Variants in ZNRF2 observed in about 807,000 individuals in gnomAD.
ZNRF2 encodes the protein zinc and ring finger 2.
A neutral mutation model predicts 20.4 loss-of-function variants in ZNRF2; 16 were observed. The observed-to-expected ratio is 0.79, with a 90% confidence interval of 0.53 to 1.19. ZNRF2 has a LOEUF of 1.19. Ranked by LOEUF, ZNRF2 falls within the 50% of genes most tolerant of loss-of-function variation. ZNRF2 has a pLI of 0.00. For synonymous variants in ZNRF2, 178 were observed against 144.9 expected (o/e 1.23, Z -1.64); for missense variants, 363 against 332.4 (o/e 1.09, Z -0.72).
intron 1 of ZNRF2, among the ~76,000 whole-genome samples, chr7:30,316,375 A>AAT (rs1424573919): frequency 2.0e-5 from 3 of 150,914 alleles, no homozygotes; most frequent in African/African-American, 7.3e-5. Flanking sequence ...TAGTGGACTG[A>AAT]ATATATGGTC....
intron 1 of ZNRF2, among the ~76,000 whole-genome samples, chr7:30,295,048 A>AGTGTGTGTGTGT (rs1562603702): frequency 8.9e-5 from 7 of 79,054 alleles, no homozygotes; most frequent in Non-Finnish European, 1.7e-4. Context: ...AGAGAGAGAG[A>AGTGTGTGTGTGT]GAGTGTGTGT....
At position 30,307,326 on chromosome 7, in the gene ZNRF2, GTTTTTTTTTT is replaced by G. The variant is rs78007797; in HGVS notation, c.470-16301_470-16292del. 1.0e-3 allele frequency among the ~76,000 whole-genome samples: 45 copies of G among 43,238 alleles called. 1 individual carries two copies. The Admixed American group carries it at 0.012, about 11-fold the overall frequency. The allele number at this position is 43,238 out of a possible 152,430, so 28.4% of individuals were successfully genotyped here. On this transcript the variant is annotated intron_variant, in intron 1 of 4. Transcript: ENST00000323037. ...TGTCTTCTTTCTGCTGTTTTTTTTT[GTTTTTTTTTT>G]TTTTTTTTTTTTTTGGCTGGGGGTG...
intron 2 of ZNRF2, among the ~76,000 whole-genome samples, chr7:30,327,725 G>C (rs1799576269): frequency 6.6e-6 from 1 of 151,930 alleles, no homozygotes; most frequent in Non-Finnish European, 1.5e-5. Context: ...GGATCTTGCT[G>C]TGTTGCCCGG....
At chr7:30,323,801 G>T (rs770284544) in intron 2 of ZNRF2, 64 bp downstream of exon 2, 2 of 1,103,156 alleles carry the variant, frequency 1.8e-6, no homozygotes, top group Non-Finnish European at 2.5e-6. Flanking sequence ...TGAATTTCAT[G>T]TTTCAAGTAT....
At chr7:30,365,231 T>C (rs763560650) in intron 4 of ZNRF2, among the ~76,000 whole-genome samples, 4 of 151,420 alleles carry the variant, frequency 2.6e-5, no homozygotes, top group Non-Finnish European at 4.4e-5. Flanking sequence ...ATTTTTCCTT[T>C]AGTGTCACAG....
chr7:30,319,193 G>A (rs1217124533), intron 1 of ZNRF2, among the ~76,000 whole-genome samples: 1 of 152,014 alleles, frequency 6.6e-6, no homozygotes, highest in Admixed American at 6.6e-5. Flanking sequence ...GGGCTGTAGT[G>A]CAGTGGTAGG....
intron 2 of ZNRF2, among the ~76,000 whole-genome samples, chr7:30,327,034 C>G (rs554816941): frequency 1.3e-5 from 2 of 152,100 alleles, no homozygotes; most frequent in Admixed American, 1.3e-4. Flanking sequence ...GGATATTAAA[C>G]CTTTGTCAGA....
chr7:30,300,307 C>T (rs563997318), intron 1 of ZNRF2, among the ~76,000 whole-genome samples: 1 of 151,672 alleles, frequency 6.6e-6, no homozygotes, highest in Admixed American at 6.6e-5. Context: ...CGCCACCACG[C>T]CTGGCTAATT....
rs1217954512 is a variant in ZNRF2, at chr7:30,348,498, G to A, written c.566-7230G>A. ...AGGTGGCAAAGGATTGGCCACATCTGACTCACAGCCATGTTTTATTTTGCT... is the reference window on the plus strand; with the variant it reads ...AGGTGGCAAAGGATTGGCCACATCTAACTCACAGCCATGTTTTATTTTGCT... On this transcript the variant is annotated intron_variant, in intron 2 of 4. Transcript: ENST00000323037. Among the ~76,000 whole-genome samples, 5 of 152,178 alleles carry A rather than the reference G, an allele frequency of 3.3e-5. No individual in the cohort carries two copies. The East Asian group carries it at 7.7e-4, about 23-fold the overall frequency.
At chr7:30,347,138 C>T (rs2127953989) in intron 2 of ZNRF2, among the ~76,000 whole-genome samples, 1 of 152,238 alleles carries the variant, frequency 6.6e-6, no homozygotes, top group South Asian at 2.1e-4. Context: ...TCCATTCCTG[C>T]ATATACTTAC....
chr7:30,302,591 A>G (rs982296195), intron 1 of ZNRF2, among the ~76,000 whole-genome samples: 2 of 151,998 alleles, frequency 1.3e-5, no homozygotes, highest in African/African-American at 4.8e-5. Flanking sequence ...ATATGTACAT[A>G]AAAAAGACAA....
intron 1 of ZNRF2, among the ~76,000 whole-genome samples, chr7:30,291,175 AGTTAAATAT>A (rs1382950054): frequency 2.6e-5 from 4 of 152,240 alleles, no homozygotes; most frequent in Non-Finnish European, 5.9e-5. Context: ...CATACTGAAA[AGTTAAATAT>A]GTCTGGATTG....
chr7:30,323,519 A>C, intron 1 of ZNRF2, 123 bp from the exon 2 acceptor site: 1 of 561,176 alleles, frequency 1.8e-6, no homozygotes. Context: ...GTTGCACATA[A>C]ACAGTGTAAT....
At chr7:30,348,021 C>T (rs1383478041) in intron 2 of ZNRF2, among the ~76,000 whole-genome samples, 1 of 151,982 alleles carries the variant, frequency 6.6e-6, no homozygotes, top group African/African-American at 2.4e-5. Flanking sequence ...AATATTTTTC[C>T]TGTTCATACA....
chr7:30,343,911 CTT>C (rs34643391), intron 2 of ZNRF2, among the ~76,000 whole-genome samples: 20 of 81,500 alleles, frequency 2.5e-4, no homozygotes, highest in African/African-American at 8.6e-4. Flanking sequence ...GGGTGGCCAG[CTT>C]TTTTTTTTTT....
chr7:30,359,758 T>TA (rs1385575137), intron 3 of ZNRF2, among the ~76,000 whole-genome samples: 21 of 152,146 alleles, frequency 1.4e-4, no homozygotes, highest in Non-Finnish European at 1.5e-4. Flanking sequence ...TTCACCATTT[T>TA]AAAAAAACGT....
intron 1 of ZNRF2, among the ~76,000 whole-genome samples, chr7:30,309,854 A>T (rs1003673599): frequency 6.6e-6 from 1 of 152,200 alleles, no homozygotes; most frequent in African/African-American, 2.4e-5. Flanking sequence ...ATTTGTAAAA[A>T]GTTTTAGGGT....
chr7:30,341,669 TGTG>T (rs1197332461), intron 2 of ZNRF2, among the ~76,000 whole-genome samples: 1 of 152,190 alleles, frequency 6.6e-6, no homozygotes, highest in Non-Finnish European at 1.5e-5. Context: ...ATAGATGCGA[TGTG>T]GTGCTAAGAA....
chr7:30,323,577 C>A, intron 1 of ZNRF2, 65 bp from the exon 2 acceptor site: 2 of 1,088,660 alleles, frequency 1.8e-6, no homozygotes, highest in South Asian at 1.6e-5. Context: ...ATTTTCCATG[C>A]TTTTTAAAAG....
Sources: gnomAD v4.1 joint callset for allele counts (sites outside exome capture counted in the v4.1 genomes callset) on GRCh38, gnomAD v4.1.1 for gene constraint, MANE v1.5 for transcripts, NCBI Gene and HGNC (gene_info 2026-07-23, HGNC 2026-07-21) for gene names.